ZDHHC11: variants seen among roughly 807,000 people sequenced by gnomAD.
The protein encoded by ZDHHC11 is palmitoyltransferase ZDHHC11.
In ZDHHC11, 44 loss-of-function variants were observed where a neutral mutation model predicts 51.3. The ratio of observed to expected loss-of-function variants is 0.86; its 90% CI spans 0.67 to 1.10. ZDHHC11 has a LOEUF of 1.10. Ranked by LOEUF, ZDHHC11 falls within the 50% of genes least tolerant of loss-of-function variation. The pLI, the probability that ZDHHC11 is intolerant of heterozygous loss-of-function variation, is 0.00. For missense variants in ZDHHC11, 400 were observed against 537.7 expected (o/e 0.74, Z 2.53); for synonymous variants, 163 against 222.0 (o/e 0.73, Z 2.36).
chr5:824,800 T>C (rs1241226635), intron 8 of ZDHHC11, among the ~76,000 whole-genome samples: 1 of 150,900 alleles, frequency 6.6e-6, no homozygotes. Flanking sequence ...ACATGGCTTC[T>C]GCCATGGCTA....
chr5:838,744 C>T (rs1744305958), intron 5 of ZDHHC11, among the ~76,000 whole-genome samples: 3 of 152,134 alleles, frequency 2.0e-5, no homozygotes, highest in Admixed American at 2.0e-4. Flanking sequence ...GAGGACAGAC[C>T]AGGTCATCCC....
chr5:819,644 CCA>C, intron 9 of ZDHHC11, 32 bp from the exon 10 acceptor site: 2 of 1,601,494 alleles, frequency 1.2e-6, no homozygotes, highest in Non-Finnish European at 1.7e-6. Context: ...AAGAAACACA[CCA>C]CAGTTTTGTA....
rs542893037 is a variant in ZDHHC11 at position 804,280 on chromosome 5, C to A, written c.1182-3116G>T. 4.0e-5 allele frequency among the ~76,000 whole-genome samples: 6 copies of A among 151,242 alleles called. No homozygotes were observed. The East Asian group carries it at 1.2e-3, about 29-fold the overall frequency. Reference sequence around the variant, plus strand: ...CCAGGACATGAATCATTCCTTTGTCCAGCATATCCATGCTGTATACACAAT... The same window carrying A: ...CCAGGACATGAATCATTCCTTTGTCAAGCATATCCATGCTGTATACACAAT... On this transcript the variant is annotated intron_variant, in intron 11 of 12. Coordinates refer to ENST00000283441, the MANE Select transcript of ZDHHC11 (RefSeq NM_024786.3).
upstream of ZDHHC11, among the ~76,000 whole-genome samples, chr5:859,613 T>A (rs1258276482): frequency 6.6e-6 from 1 of 152,140 alleles, no homozygotes; most frequent in African/African-American, 2.4e-5. Context: ...CAGCACGTGT[T>A]TTCGTAGTCT....
At chr5:812,291 C>G (rs562744543) in intron 11 of ZDHHC11, among the ~76,000 whole-genome samples, 49 of 151,846 alleles carry the variant, frequency 3.2e-4, no homozygotes, top group African/African-American at 1.1e-3. Context: ...ACGATAAACA[C>G]AAAATTTTAA....
rs1275426756 is a variant in ZDHHC11, at chr5:819,407, C to T, written c.1146+118G>A. ...CCATCATTCCCATGTGAGCAGCACC[C>T]TTGGACACAGAGTGCTTCCCTTTTG... On this transcript the variant is annotated intron_variant, in intron 10 of 12. Coordinates refer to ENST00000283441, the MANE Select transcript of ZDHHC11 (RefSeq NM_024786.3). The T allele has an allele frequency of 1.7e-5, 19 of 1,104,814 alleles. No individual in the cohort carries two copies. In the African/African-American group the frequency reaches 2.6e-4, roughly 15 times the overall value. 68.4% of individuals were successfully genotyped at this position (1,104,814 alleles called of 1,614,324 possible).
At chr5:819,448 T>C in intron 10 of ZDHHC11, 77 bp downstream of exon 10, 1 of 1,499,238 alleles carries the variant, frequency 6.7e-7, no homozygotes, top group African/African-American at 1.4e-5. Context: ...TACCTTAACC[T>C]CAGCTTGGGG....
intron 6 of ZDHHC11, among the ~76,000 whole-genome samples, chr5:834,015 A>G (rs1236432320): frequency 2.6e-5 from 4 of 152,290 alleles, no homozygotes; most frequent in Non-Finnish European, 5.9e-5. Flanking sequence ...GATTCTGGTC[A>G]TGTATTAGAC....
chr5:853,330 C>T (rs1310172836), upstream of ZDHHC11, among the ~76,000 whole-genome samples: 1 of 141,298 alleles, frequency 7.1e-6, no homozygotes, highest in Non-Finnish European at 1.5e-5. Context: ...GGGCACAGAC[C>T]CCGCAGAGGA....
intron 1 of ZDHHC11, among the ~76,000 whole-genome samples, chr5:857,017 C>T (rs1189939933): frequency 6.6e-6 from 1 of 151,576 alleles, no homozygotes; most frequent in Admixed American, 6.6e-5. Flanking sequence ...CACATACAAC[C>T]CCCACAGAAT....
At chr5:848,777 C>G in intron 1 of ZDHHC11, 117 bp from the exon 2 acceptor site, 1 of 1,443,174 alleles carries the variant, frequency 6.9e-7, no homozygotes, top group Non-Finnish European at 9.4e-7. Flanking sequence ...TCACCCAGCC[C>G]TGCACACGTG....
intron 6 of ZDHHC11, among the ~76,000 whole-genome samples, chr5:837,028 C>T (rs754090616): frequency 3.3e-5 from 5 of 151,484 alleles, no homozygotes; most frequent in Non-Finnish European, 7.4e-5. Context: ...CTTCACTCCA[C>T]CCTGGGCAAC....
At chr5:848,351 C>G (rs537248155) in intron 2 of ZDHHC11, 131 bp downstream of exon 2, 2 of 496,728 alleles carry the variant, frequency 4.0e-6, no homozygotes, top group Non-Finnish European at 6.8e-6. Context: ...GCCACAGGGC[C>G]GGGCCCTGGA....
chr5:845,420 G>T (rs7713095), intron 3 of ZDHHC11, among the ~76,000 whole-genome samples: 13,330 of 150,626 alleles, frequency 0.088, 957 homozygotes, highest in African/African-American at 0.28. Flanking sequence ...AGCCATTCAC[G>T]CGGGGCCTCC....
intron 1 of ZDHHC11, among the ~76,000 whole-genome samples, chr5:858,152 G>A (rs1439766923): frequency 1.5e-5 from 2 of 130,728 alleles, no homozygotes; most frequent in South Asian, 2.6e-4. Context: ...CCCCGGGTCT[G>A]TCCCGGTCCT....
At chr5:818,116 C>T (rs185968424) in intron 10 of ZDHHC11, among the ~76,000 whole-genome samples, 1 of 151,482 alleles carries the variant, frequency 6.6e-6, no homozygotes, top group Admixed American at 6.6e-5. Context: ...ATCTTCTCTG[C>T]TTCAGACCAG....
At chr5:857,938 T>C (rs1748494877) in intron 1 of ZDHHC11, among the ~76,000 whole-genome samples, 2 of 145,122 alleles carry the variant, frequency 1.4e-5, no homozygotes, top group Admixed American at 6.8e-5. Context: ...CCTGTCTTTA[T>C]GACACCAGGC....
intron 5 of ZDHHC11, among the ~76,000 whole-genome samples, chr5:838,157 A>G (rs403703): frequency 1.3e-5 from 2 of 151,876 alleles, no homozygotes; most frequent in Admixed American, 6.6e-5. Flanking sequence ...GCAGCCCTGC[A>G]CAGTGCCCAC....
chr5:852,055 CA>C (rs111722785), upstream of ZDHHC11, among the ~76,000 whole-genome samples: 14,497 of 106,686 alleles, frequency 0.14, 1,880 homozygotes, highest in African/African-American at 0.36. Context: ...GACTCCATCT[CA>C]AAAAAAAAAA....
Sources: allele counts gnomAD v4.1 joint callset (sites outside exome capture counted in the v4.1 genomes callset), GRCh38; gene constraint gnomAD v4.1.1; transcripts MANE v1.5; gene names NCBI Gene and HGNC (gene_info 2026-07-23, HGNC 2026-07-21).